The following TBL1XR1 variants were observed in gnomAD, a reference collection of about 807,000 sequenced individuals.
TBL1XR1 encodes the protein F-box-like/WD repeat-containing protein TBL1XR1.
In TBL1XR1, 5 loss-of-function variants were observed where a neutral mutation model predicts 66.9. The observed-to-expected ratio is 0.07, with a 90% CI of 0.04 to 0.16. The LOEUF (loss-of-function observed/expected upper bound fraction) is 0.16, where lower values mean the gene tolerates loss of function less well. TBL1XR1 is among the 10% of genes least tolerant of loss of function. The pLI is 1.00. For missense variants in TBL1XR1, 238 were observed against 623.2 expected (o/e 0.38, Z 6.58); for synonymous variants, 210 against 206.0 (o/e 1.02, Z -0.17).
chr3:177,031,785 A>G (rs992000930), intron 14 of TBL1XR1, among the ~76,000 whole-genome samples: 2 of 151,134 alleles, frequency 1.3e-5, no homozygotes, highest in Admixed American at 1.3e-4. Context: ...AAAAATAAAT[A>G]TTAAAAAATT....
At chr3:177,104,999 TAAGTC>T (rs2108690306) in intron 1 of TBL1XR1, among the ~76,000 whole-genome samples, 1 of 152,340 alleles carries the variant, frequency 6.6e-6, no homozygotes, top group African/African-American at 2.4e-5. Flanking sequence ...AATGCTAACA[TAAGTC>T]AAGTGTATTA....
chr3:177,163,515 A>G (rs1732465857), intron 1 of TBL1XR1, among the ~76,000 whole-genome samples: 1 of 152,194 alleles, frequency 6.6e-6, no homozygotes, highest in African/African-American at 2.4e-5. Flanking sequence ...CGTCTGAAAA[A>G]AAAAAAAGAA....
At chr3:177,127,422 G>A (rs1727773334) in intron 1 of TBL1XR1, among the ~76,000 whole-genome samples, 1 of 152,096 alleles carries the variant, frequency 6.6e-6, no homozygotes, top group East Asian at 1.9e-4. Context: ...GAACACAGGG[G>A]ACCTAATGTT....
At chr3:177,179,979 C>A (rs1734611620) in intron 1 of TBL1XR1, among the ~76,000 whole-genome samples, 1 of 152,058 alleles carries the variant, frequency 6.6e-6, no homozygotes, top group African/African-American at 2.4e-5. Context: ...GTCGCTCATG[C>A]CTGTAATCCC....
At chr3:177,115,410 T>C (rs1726187286) in intron 1 of TBL1XR1, among the ~76,000 whole-genome samples, 1 of 152,148 alleles carries the variant, frequency 6.6e-6, no homozygotes, top group Non-Finnish European at 1.5e-5. Context: ...TACCAAAAAG[T>C]CTTGGAAGGC....
intron 14 of TBL1XR1, among the ~76,000 whole-genome samples, chr3:177,029,157 C>T (rs748558409): frequency 7.2e-5 from 11 of 151,818 alleles, no homozygotes; most frequent in Non-Finnish European, 1.5e-4. Flanking sequence ...AAGATCTAGC[C>T]GGGCACAGTG....
At chr3:177,098,869 C>G (rs888220071) in intron 1 of TBL1XR1, among the ~76,000 whole-genome samples, 1 of 152,144 alleles carries the variant, frequency 6.6e-6, no homozygotes, top group African/African-American at 2.4e-5. Flanking sequence ...TGTTCATAAT[C>G]TATAATCATG....
chr3:177,074,865 A>G (rs540200039), intron 2 of TBL1XR1, among the ~76,000 whole-genome samples: 85 of 152,330 alleles, frequency 5.6e-4, no homozygotes, highest in African/African-American at 1.9e-3. Context: ...AATATTAAGT[A>G]CCTTAATATT....
At chr3:177,144,445 G>A (rs1729999864) in intron 1 of TBL1XR1, among the ~76,000 whole-genome samples, 1 of 152,108 alleles carries the variant, frequency 6.6e-6, no homozygotes, top group Non-Finnish European at 1.5e-5. Flanking sequence ...CAACTGTGTA[G>A]TTGTGAAGTG....
intron 1 of TBL1XR1, among the ~76,000 whole-genome samples, chr3:177,187,023 C>A (rs1258505038): frequency 1.3e-5 from 2 of 152,052 alleles, no homozygotes; most frequent in Non-Finnish European, 2.9e-5. Context: ...AAAAATTAGC[C>A]GGGCGTGGTG....
At chr3:177,114,007 G>A (rs1374766690) in intron 1 of TBL1XR1, among the ~76,000 whole-genome samples, 1 of 151,968 alleles carries the variant, frequency 6.6e-6, no homozygotes, top group Non-Finnish European at 1.5e-5. Context: ...GGTAAATGTT[G>A]GTCAAAGGAT....
intron 12 of TBL1XR1, among the ~76,000 whole-genome samples, chr3:177,035,818 C>G (rs988498343): frequency 3.2e-4 from 49 of 152,100 alleles, no homozygotes; most frequent in Non-Finnish European, 6.9e-4. Context: ...TGAGGGTGTC[C>G]GAGCCATTTA....
chr3:177,117,862 G>A (rs1281277307), intron 1 of TBL1XR1, among the ~76,000 whole-genome samples: 1 of 152,046 alleles, frequency 6.6e-6, no homozygotes, highest in Non-Finnish European at 1.5e-5. Flanking sequence ...GGGTTCAATG[G>A]GAAGGAAAAA....
At chr3:177,157,106 G>A (rs1731610886) in intron 1 of TBL1XR1, among the ~76,000 whole-genome samples, 1 of 152,210 alleles carries the variant, frequency 6.6e-6, no homozygotes, top group Admixed American at 6.5e-5. Flanking sequence ...CACTTTGGGA[G>A]GCTGAGGTAA....
At chr3:177,038,558 CT>C (rs751464903) in intron 10 of TBL1XR1, 124 bp from the exon 11 acceptor site, 4 of 921,042 alleles carry the variant, frequency 4.3e-6, no homozygotes, top group Admixed American at 3.6e-5. Context: ...TTACTTTATA[CT>C]TTTTAAGATA....
chr3:177,025,415 G>T lies in TBL1XR1; in HGVS notation c.*83C>A. On this transcript the variant is annotated 3_prime_UTR_variant, in exon 16 of 16. Transcript: ENST00000457928. ...AGTGGACTGGCCATGGTTCAAGTGG[G>T]ACTATAGCAGTACATGGGTCAGGGA... 2 of 1,432,042 alleles carry T rather than the reference G, an allele frequency of 1.4e-6. No homozygotes were observed. Among genetic ancestry groups the T allele is most frequent in the Non-Finnish European group, 2.0e-6 (2 of 1,021,364 alleles). 88.7% of individuals were successfully genotyped at this position (1,432,042 alleles called of 1,614,324 possible). A position where few individuals can be genotyped will look rare whatever the true frequency, so the allele number is the denominator to read the frequency against.
At chr3:177,060,109 GCTTC>G (rs1718320815) in intron 3 of TBL1XR1, among the ~76,000 whole-genome samples, 1 of 152,086 alleles carries the variant, frequency 6.6e-6, no homozygotes, top group African/African-American at 2.4e-5. Flanking sequence ...TCCACCAGTG[GCTTC>G]CTTGCCCCTC....
intron 2 of TBL1XR1, among the ~76,000 whole-genome samples, chr3:177,081,571 A>C (rs1244578690): frequency 2.0e-5 from 3 of 151,824 alleles, no homozygotes; most frequent in African/African-American, 7.3e-5. Context: ...GCAACATAAC[A>C]AGACCTAATC....
At chr3:177,035,213 T>G (rs1014920245) in intron 12 of TBL1XR1, among the ~76,000 whole-genome samples, 1 of 152,194 alleles carries the variant, frequency 6.6e-6, no homozygotes, top group Non-Finnish European at 1.5e-5. Context: ...TTGATACTGT[T>G]GGCCACTCTC....
Sources: allele counts gnomAD v4.1 joint callset (sites outside exome capture counted in the v4.1 genomes callset), GRCh38; gene constraint gnomAD v4.1.1; transcripts MANE v1.5; gene names NCBI Gene and HGNC (gene_info 2026-07-23, HGNC 2026-07-21).